Variants in EFCAB8 observed in about 807,000 individuals in gnomAD.
EFCAB8 encodes the protein EF-hand calcium binding domain 8, also known as EF-hand calcium-binding domain-containing protein 8.
Under a neutral mutation model 116.3 loss-of-function variants are expected in EFCAB8, and 100 were observed. The observed-to-expected ratio is 0.86, with a 90% CI of 0.73 to 1.02. The LOEUF (loss-of-function observed/expected upper bound fraction) is 1.02. EFCAB8 is among the 50% of genes least tolerant of loss of function. The probability of loss-of-function intolerance (pLI) is 0.00; values close to 1 mark genes in which losing one functional copy is unlikely to be tolerated. For synonymous variants in EFCAB8, 558 were observed against 567.9 expected (o/e 0.98, Z 0.25); for missense variants, 1,320 against 1,416.9 (o/e 0.93, Z 1.10).
intron 24 of EFCAB8, among the ~76,000 whole-genome samples, chr20:32,959,430 A>G (rs532658045): frequency 6.6e-6 from 1 of 152,302 alleles, no homozygotes; most frequent in African/African-American, 2.4e-5. Flanking sequence ...AGTACAGTGG[A>G]GGGACATCAA....
chr20:32,934,666 GT>G, intron 22 of EFCAB8, among the ~76,000 whole-genome samples: 1 of 152,086 alleles, frequency 6.6e-6, no homozygotes, highest in Non-Finnish European at 1.5e-5. Flanking sequence ...GTGGGGGTGG[GT>G]TTTTCCCACC....
intron 26 of EFCAB8, among the ~76,000 whole-genome samples, 185 bp from the exon 27 acceptor site, chr20:32,960,951 G>C (rs866314795): frequency 3.2e-4 from 48 of 152,226 alleles, no homozygotes; most frequent in African/African-American, 1.1e-3. Flanking sequence ...CACCTGGCCT[G>C]GTGCAGGGTG....
chr20:32,898,443 A>C (rs1449776888), intron 10 of EFCAB8, 50 bp from the exon 11 acceptor site: 1 of 702,060 alleles, frequency 1.4e-6, no homozygotes, highest in African/African-American at 1.8e-5. Context: ...GGCTGGGCCT[A>C]GAAAGTTGTC....
intron 20 of EFCAB8, among the ~76,000 whole-genome samples, chr20:32,927,644 C>T (rs1440395791): frequency 6.6e-6 from 1 of 152,132 alleles, no homozygotes; most frequent in Non-Finnish European, 1.5e-5. Context: ...CATGCCTGGC[C>T]AAAATACATT....
intron 1 of EFCAB8, among the ~76,000 whole-genome samples, chr20:32,859,985 TC>T (rs1446907382): frequency 6.6e-6 from 1 of 152,210 alleles, no homozygotes; most frequent in Non-Finnish European, 1.5e-5. Flanking sequence ...CTCTAACAGT[TC>T]CTTAGCCTTT....
chr20:32,910,523 T>C (rs891502841), intron 15 of EFCAB8, among the ~76,000 whole-genome samples: 2 of 152,070 alleles, frequency 1.3e-5, no homozygotes, highest in East Asian at 3.9e-4. Context: ...TCTGGACAGG[T>C]GCGCCGCATC....
chr20:32,908,509 C>T (rs774315610), intron 14 of EFCAB8, 97 bp downstream of exon 14: 126 of 1,196,762 alleles, frequency 1.1e-4, no homozygotes, highest in Non-Finnish European at 1.3e-4. Context: ...ACGTCCTGTC[C>T]CTCCTGGGAC....
intron 20 of EFCAB8, among the ~76,000 whole-genome samples, chr20:32,924,073 G>A (rs1011888351): frequency 5.3e-5 from 8 of 151,996 alleles, no homozygotes; most frequent in Non-Finnish European, 1.5e-5. Flanking sequence ...TGTTTTTTGA[G>A]ACAGAATCTC....
At chr20:32,915,884 G>C (rs1302388156) in intron 17 of EFCAB8, among the ~76,000 whole-genome samples, 3 of 152,054 alleles carry the variant, frequency 2.0e-5, no homozygotes, top group Non-Finnish European at 4.4e-5. Flanking sequence ...TGTTGGCCAG[G>C]CTGGTCTTGA....
chr20:32,889,214 G>A (rs892251811), intron 6 of EFCAB8, 87 bp from the exon 7 acceptor site: 8 of 1,164,088 alleles, frequency 6.9e-6, no homozygotes, highest in Non-Finnish European at 9.9e-6. Context: ...GTGGCTCCAG[G>A]CCTTGTGTGG....
chr20:32,930,000 T>C (rs1345703543), intron 20 of EFCAB8, among the ~76,000 whole-genome samples: 1 of 152,222 alleles, frequency 6.6e-6, no homozygotes, highest in Non-Finnish European at 1.5e-5. Flanking sequence ...TATTTCACTA[T>C]AGATATACAT....
At position 32,911,563 on chromosome 20, in the gene EFCAB8, G is replaced by T; in HGVS notation, c.1641G>T (p.Gly547=). 6.5e-7 allele frequency: 1 copy of T among 1,544,310 alleles called. No homozygotes were observed. Among genetic ancestry groups the T allele is most frequent in the Middle Eastern group, 1.7e-4 (1 of 5,960 alleles). ...GRKTMEFAVS[G]GQHVEMTAMA... ...AGACGATGGAGTTTGCTGTGTCTGG[G>T]GGCCAGCACGTGGAGATGACCGCCA... The change falls in exon 16 of 27, where the codon GGG becomes GGT. Residue 547 remains glycine, a synonymous_variant. Coordinates refer to ENST00000400522, the MANE Select transcript of EFCAB8 (RefSeq NM_001143967.2).
intron 11 of EFCAB8, among the ~76,000 whole-genome samples, chr20:32,901,378 G>A (rs1441472076): frequency 6.6e-6 from 1 of 152,262 alleles, no homozygotes; most frequent in African/African-American, 2.4e-5. Context: ...TTATGAATTT[G>A]TGTTGGGCCA....
chr20:32,923,399 T>C (rs1178084753), intron 20 of EFCAB8, among the ~76,000 whole-genome samples: 1 of 151,792 alleles, frequency 6.6e-6, no homozygotes, highest in Non-Finnish European at 1.5e-5. Context: ...GGCAGGAGAA[T>C]TGATTGAACC....
At position 32,954,905 on chromosome 20, in the gene EFCAB8, A is replaced by ATTCT. The variant is rs573257147; in HGVS notation, c.2960-3513_2960-3510dup. On this transcript the variant is annotated intron_variant, in intron 23 of 26. Transcript: ENST00000400522. ...AAACCCCACTTAGTCAAGATGTATT[A>ATTCT]TTCTTTTAATATATTGTTGAATTCT... Among the ~76,000 whole-genome samples the ATTCT allele has an allele frequency of 4.1e-3, 621 of 152,258 alleles. 1 individual carries two copies. Among genetic ancestry groups the ATTCT allele is most frequent in the Non-Finnish European group, 7.1e-3 (482 of 68,020 alleles).
At chr20:32,882,032 T>C (rs979220913) in intron 5 of EFCAB8, among the ~76,000 whole-genome samples, 1 of 152,108 alleles carries the variant, frequency 6.6e-6, no homozygotes, top group Non-Finnish European at 1.5e-5. Flanking sequence ...ACCCTGTCTC[T>C]ACTAAAAATA....
At chr20:32,872,554 A>G (rs1984733159) in intron 3 of EFCAB8, among the ~76,000 whole-genome samples, 1 of 151,972 alleles carries the variant, frequency 6.6e-6, no homozygotes, top group Non-Finnish European at 1.5e-5. Flanking sequence ...TTGGGATCCC[A>G]GCGAGCTGAG....
intron 23 of EFCAB8, among the ~76,000 whole-genome samples, chr20:32,947,307 C>A (rs1238365244): frequency 6.6e-6 from 1 of 152,134 alleles, no homozygotes; most frequent in Non-Finnish European, 1.5e-5. Flanking sequence ...TATAAAACAA[C>A]TATACAGAAA....
chr20:32,874,332 C>T (rs1488282402), intron 3 of EFCAB8, among the ~76,000 whole-genome samples: 12 of 152,132 alleles, frequency 7.9e-5, no homozygotes, highest in Non-Finnish European at 1.0e-4. Flanking sequence ...AAGCCATCCT[C>T]CCACCTCAGT....
Sources: gnomAD v4.1 joint callset for allele counts (sites outside exome capture counted in the v4.1 genomes callset) on GRCh38, gnomAD v4.1.1 for gene constraint, MANE v1.5 for transcripts, NCBI Gene and HGNC (gene_info 2026-07-23, HGNC 2026-07-21) for gene names.